SLCO4A1: variants seen among roughly 807,000 people sequenced by gnomAD.
SLCO4A1 encodes solute carrier organic anion transporter family member 4A1.
Under a neutral mutation model 64.6 loss-of-function variants are expected in SLCO4A1, and 51 were observed. That is an observed-to-expected ratio of 0.79 (90% CI 0.63 to 1.00). SLCO4A1 has a LOEUF of 1.00. Ranked by LOEUF, SLCO4A1 falls within the 50% of genes least tolerant of loss-of-function variation. SLCO4A1 has a pLI of 0.00. For missense variants in SLCO4A1, 919 were observed against 980.5 expected (o/e 0.94, Z 0.84); for synonymous variants, 471 against 444.9 (o/e 1.06, Z -0.74).
chr20:62,681,421 G>A (rs1987816490), intron 2 of SLCO4A1, among the ~76,000 whole-genome samples: 2 of 152,038 alleles, frequency 1.3e-5, no homozygotes, highest in African/African-American at 2.4e-5. Context: ...TGTTTATTAA[G>A]CCTTGTGTAC....
At chr20:62,677,484 A>G (rs2147113513) in intron 2 of SLCO4A1, among the ~76,000 whole-genome samples, 1 of 152,236 alleles carries the variant, frequency 6.6e-6, no homozygotes, top group South Asian at 2.1e-4. Context: ...GTTCAGATGT[A>G]CCACAATCTC....
chr20:62,669,915 C>G (rs1257331087), intron 11 of SLCO4A1: 1 of 152,240 alleles, frequency 6.6e-6, no homozygotes, highest in East Asian at 1.9e-4. Context: ...ACATACACCT[C>G]GGTTTCCCCC....
At chr20:62,689,076 C>T (rs1048297728), downstream of SLCO4A1, among the ~76,000 whole-genome samples, 2 of 152,234 alleles carry the variant, frequency 1.3e-5, no homozygotes, top group East Asian at 1.9e-4. Context: ...CATAAATGGA[C>T]GGTCTCTAAG....
At chr20:62,665,250 C>G in intron 6 of SLCO4A1, 162 bp downstream of exon 6, 1 of 705,374 alleles carries the variant, frequency 1.4e-6, no homozygotes, top group South Asian at 1.9e-5. Context: ...GGGGGCTGAG[C>G]GACTCTGTCC....
chr20:62,653,549 T>C (rs1160270214), intron 1 of SLCO4A1, among the ~76,000 whole-genome samples: 2 of 152,192 alleles, frequency 1.3e-5, no homozygotes, highest in Non-Finnish European at 2.9e-5. Context: ...CTGAGGCCCC[T>C]GTGTCCCCTC....
chr20:62,668,002 G>A lies in SLCO4A1; in HGVS notation c.1639-10G>A. Reference sequence around the variant, plus strand: ...CCCCTTGTAATCGGAGCTATTGTTGGGCTTCCCAGGTGTACCGAGACTGTA... The same window carrying A: ...CCCCTTGTAATCGGAGCTATTGTTGAGCTTCCCAGGTGTACCGAGACTGTA... On this transcript the variant is annotated splice_polypyrimidine_tract_variant and intron_variant, in intron 8 of 11. Coordinates refer to ENST00000217159, the MANE Select transcript of SLCO4A1 (RefSeq NM_016354.4). 1 of 1,614,016 alleles carries A rather than the reference G, an allele frequency of 6.2e-7. No homozygotes were observed. The highest frequency in any genetic ancestry group is 1.3e-5 in the African/African-American group (1 of 75,032).
intron 2 of SLCO4A1, 98 bp from the exon 3 acceptor site, chr20:62,658,578 TG>T: frequency 1.1e-6 from 1 of 874,464 alleles, no homozygotes; most frequent in Non-Finnish European, 1.8e-6. Context: ...AGATGCAGAA[TG>T]GCGGGTGCGG....
In SLCO4A1 at chr20:62,666,581, G is replaced by A. The variant is rs2147099295; in HGVS notation, c.1472+6G>A. On this transcript the variant is annotated splice_donor_region_variant and intron_variant, in intron 7 of 11. Transcript: ENST00000217159. ...ACAGCCAGCTACGGCGGGAGGTGAGGGCCAGATGGCACCTGGGTACGCGTC... is the reference window on the plus strand; with the variant it reads ...ACAGCCAGCTACGGCGGGAGGTGAGAGCCAGATGGCACCTGGGTACGCGTC... The A allele has an allele frequency of 6.2e-7, 1 of 1,610,756 alleles. No individual in the cohort carries two copies. The highest frequency in any genetic ancestry group is 2.2e-5 in the East Asian group (1 of 44,868).
At chr20:62,662,088 A>G (rs1446218175) in intron 5 of SLCO4A1, among the ~76,000 whole-genome samples, 4 of 152,104 alleles carry the variant, frequency 2.6e-5, no homozygotes, top group African/African-American at 9.7e-5. Flanking sequence ...GGTGTGGGCA[A>G]TGGGTGAGTC....
rs564990554 is a variant in SLCO4A1, at chr20:62,647,003, T to A, written c.-97+4450T>A. ...GCCCTGCTGCCGCACCCTGGCTCCC[T>A]CTTGCTCAGACAATCCTTCATTGTC... On this transcript the variant is annotated intron_variant, in intron 1 of 11. Coordinates refer to ENST00000217159, the MANE Select transcript of SLCO4A1 (RefSeq NM_016354.4). Among the ~76,000 whole-genome samples, 29 of 152,364 alleles carry A rather than the reference T, an allele frequency of 1.9e-4. 1 individual carries two copies. In the South Asian group the frequency reaches 5.8e-3, roughly 30 times the overall value.
Position 62,665,107 on chromosome 20 carries a change from G to T in SLCO4A1, c.1276+19G>T. 6.3e-7 allele frequency: 1 copy of T among 1,596,364 alleles called. No individual in the cohort carries two copies. The highest frequency in any genetic ancestry group is 8.5e-7 in the Non-Finnish European group (1 of 1,172,622). On this transcript the variant is annotated intron_variant, in intron 6 of 11. Coordinates refer to ENST00000217159, the MANE Select transcript of SLCO4A1 (RefSeq NM_016354.4). ...TTGTTTGGTGAGAAAACTGAATCTTGGGGGTCCTCTGCTTTTATGTCAGTT... is the reference window on the plus strand; with the variant it reads ...TTGTTTGGTGAGAAAACTGAATCTTTGGGGTCCTCTGCTTTTATGTCAGTT...
At position 62,656,924 on chromosome 20, in the gene SLCO4A1, T is replaced by G. The variant is rs1324959745; in HGVS notation, c.470T>G (p.Leu157Arg). 1 of 1,565,006 alleles carries G rather than the reference T, an allele frequency of 6.4e-7. No homozygotes were observed. Among genetic ancestry groups the G allele is most frequent in the Non-Finnish European group, 8.7e-7 (1 of 1,149,854 alleles). ...TACGACATTGCCGCCTGCCTCTGCC[T>G]CACCTTCGTCAGCTACTTCGGGGGC... Reference protein sequence around the residue: ...SSYDIAACLCLTFVSYFGGSG... With the variant: ...SSYDIAACLCRTFVSYFGGSG... Residue 157 changes from leucine to arginine, a missense_variant, in exon 2 of 12, where the codon CTC (leucine) becomes CGC (arginine). By Grantham distance (102) the Leu-to-Arg change is moderately radical. Coordinates refer to ENST00000217159, the MANE Select transcript of SLCO4A1 (RefSeq NM_016354.4).
At chr20:62,667,970 G>A (rs774791335) in intron 8 of SLCO4A1, 42 bp from the exon 9 acceptor site, 162 of 1,613,952 alleles carry the variant, frequency 1.0e-4, no homozygotes, top group Middle Eastern at 6.6e-4. Context: ...AGGGGCCCCC[G>A]TGCCTTCCCC....
chr20:62,685,613 G>C lies in SLCO4A1; in HGVS notation n.384G>C. 4.4e-6 allele frequency: 1 copy of C among 225,828 alleles called. No homozygotes were observed. The highest frequency in any genetic ancestry group is 7.4e-6 in the Non-Finnish European group (1 of 135,308). The allele number at this position is 225,828 out of a possible 1,614,324, so 14.0% of individuals were successfully genotyped here. ...GGACTGCCTGTGTTCTCCTGGGAGA[G>C]AATGCATTTGCTTCCGATGCCCAGG... On this transcript the variant is annotated non_coding_transcript_exon_variant, in exon 3 of 3. Transcript: ENST00000466818. This position sits in a 1 kb window ranked among gnomAD's most constrained non-coding sequence, Gnocchi z 4.6.
intron 11 of SLCO4A1, among the ~76,000 whole-genome samples, chr20:62,670,972 T>C (rs529392331): frequency 5.9e-5 from 9 of 152,370 alleles, no homozygotes; most frequent in African/African-American, 2.2e-4. Context: ...GTGGTGCACA[T>C]GTACTCTGCG....
At chr20:62,664,801 C>T in intron 5 of SLCO4A1, 133 bp from the exon 6 acceptor site, 1 of 1,044,018 alleles carries the variant, frequency 9.6e-7, no homozygotes, top group Non-Finnish European at 1.4e-6. Context: ...GTCTGGCCCA[C>T]TCTGACCCTC....
At chr20:62,654,698 A>C (rs1381884199) in intron 1 of SLCO4A1, among the ~76,000 whole-genome samples, 2 of 152,042 alleles carry the variant, frequency 1.3e-5, no homozygotes, top group Non-Finnish European at 2.9e-5. Flanking sequence ...TCGTGGGCTG[A>C]ATAAGCTTCC....
Position 62,679,645 on chromosome 20 carries a change from G to C in SLCO4A1, n.212-5796G>C, listed in dbSNP as rs537150949. On this transcript the variant is annotated intron_variant and non_coding_transcript_variant, in intron 2 of 2. Coordinates refer to the SLCO4A1 transcript ENST00000466818. ...CCCAAAGTGCTGGGATTACAGATGT[G>C]AGCCACCATGCCTGGTTTATGGAAT... is the stretch of plus-strand genomic sequence containing the variant. Among the ~76,000 whole-genome samples, 44 of 152,326 alleles carry C rather than the reference G, an allele frequency of 2.9e-4. 1 individual carries two copies. The South Asian group carries it at 8.9e-3, about 31-fold the overall frequency.
At chr20:62,672,432 T>G, downstream of SLCO4A1, 1 of 265,118 alleles carries the variant, frequency 3.8e-6, no homozygotes, top group Non-Finnish European at 5.9e-6. Context: ...GGCTCCCCCG[T>G]AAGTCGGCCT....
Sources: allele counts gnomAD v4.1 joint callset (sites outside exome capture counted in the v4.1 genomes callset), GRCh38; gene constraint gnomAD v4.1.1; non-coding constraint Gnocchi (gnomAD v3.1); transcripts MANE v1.5; gene names NCBI Gene and HGNC (gene_info 2026-07-23, HGNC 2026-07-21).